The following LIFR variants were observed in gnomAD, a reference collection of about 807,000 sequenced individuals.
LIFR encodes the protein LIF receptor subunit alpha.
In LIFR, 84 loss-of-function variants were observed where a neutral mutation model predicts 122.2. The ratio of observed to expected loss-of-function variants is 0.69; its 90% CI spans 0.58 to 0.82. The LOEUF is 0.82. Among genes scored for constraint, LIFR ranks in the 40% least tolerant of loss-of-function variants. The pLI, the probability that LIFR is intolerant of heterozygous loss-of-function variation, is 0.00. For synonymous variants in LIFR, 422 were observed against 434.7 expected (o/e 0.97, Z 0.36); for missense variants, 1,294 against 1,311.6 (o/e 0.99, Z 0.21).
intron 1 of LIFR, among the ~76,000 whole-genome samples, chr5:38,564,149 G>A (rs535330914): frequency 9.2e-5 from 14 of 151,878 alleles, no homozygotes; most frequent in Non-Finnish European, 1.9e-4. Flanking sequence ...TCTTTCCTTC[G>A]GGTGTTGTTT....
At chr5:38,504,415 C>CAAAAAAAAAA (rs71604899) in intron 9 of LIFR, among the ~76,000 whole-genome samples, 16 of 120,320 alleles carry the variant, frequency 1.3e-4, no homozygotes, top group African/African-American at 2.8e-4. Flanking sequence ...AGGGAATGAC[C>CAAAAAAAAAA]AAAAAAAAAA....
At chr5:38,501,651 G>C (rs1745184513) in intron 11 of LIFR, among the ~76,000 whole-genome samples, 1 of 152,050 alleles carries the variant, frequency 6.6e-6, no homozygotes, top group South Asian at 2.1e-4. Context: ...TGAGGCAGGA[G>C]AATCACTTGA....
intron 1 of LIFR, among the ~76,000 whole-genome samples, chr5:38,539,489 G>A (rs1747470202): frequency 6.6e-6 from 1 of 152,140 alleles, no homozygotes; most frequent in African/African-American, 2.4e-5. Flanking sequence ...TTTATTTGGT[G>A]ACTGAAGCAA....
At chr5:38,499,108 G>A (rs890222134) in intron 12 of LIFR, among the ~76,000 whole-genome samples, 3 of 151,936 alleles carry the variant, frequency 2.0e-5, no homozygotes, top group Non-Finnish European at 4.4e-5. Flanking sequence ...TTTATAACTG[G>A]CATGTTATAA....
intron 2 of LIFR, among the ~76,000 whole-genome samples, chr5:38,603,399 G>C (rs1166535950): frequency 6.6e-6 from 1 of 152,160 alleles, no homozygotes; most frequent in Non-Finnish European, 1.5e-5. Flanking sequence ...AGGTATTCTT[G>C]AAATGAGAAT....
chr5:38,485,729 G>A (rs143817857), intron 17 of LIFR, 90 bp downstream of exon 17: 2 of 1,424,480 alleles, frequency 1.4e-6, no homozygotes, highest in African/African-American at 2.8e-5. Flanking sequence ...TTTTTAGAAA[G>A]GGCGGGGAGG....
At chr5:38,586,258 G>T (rs554710028) in intron 1 of LIFR, among the ~76,000 whole-genome samples, 1 of 152,200 alleles carries the variant, frequency 6.6e-6, no homozygotes, top group East Asian at 1.9e-4. Context: ...TTAACTCACA[G>T]TTTCTTCCAG....
intron 9 of LIFR, among the ~76,000 whole-genome samples, chr5:38,504,415 C>CAAAAAAAAAAA (rs71604899): frequency 1.1e-3 from 126 of 119,938 alleles, no homozygotes; most frequent in Middle Eastern, 4.4e-3. Context: ...AGGGAATGAC[C>CAAAAAAAAAAA]AAAAAAAAAA....
At chr5:38,501,689 C>T (rs1218122592) in intron 11 of LIFR, among the ~76,000 whole-genome samples, 8 of 151,686 alleles carry the variant, frequency 5.3e-5, no homozygotes, top group Non-Finnish European at 7.4e-5. Context: ...TGCAGTGAGC[C>T]GAGATCGCGC....
chr5:38,485,390 C>T (rs532415715), intron 17 of LIFR, among the ~76,000 whole-genome samples: 9 of 152,100 alleles, frequency 5.9e-5, no homozygotes, highest in Non-Finnish European at 1.0e-4. Context: ...AGTTCTTTAC[C>T]GCAGAAAGAT....
Position 38,577,380 on chromosome 5 carries a change from A to G in LIFR, c.-20+17881T>C, listed in dbSNP as rs76838223. 5.1e-3 allele frequency among the ~76,000 whole-genome samples: 776 copies of G among 152,142 alleles called. 3 individuals are homozygous for G. The highest frequency in any genetic ancestry group is 0.012 in the South Asian group (56 of 4,816). On this transcript the variant is annotated intron_variant, in intron 1 of 19. Coordinates refer to the LIFR transcript ENST00000263409. ...CTTCCTTTCTGATTATTCCCTACCC[A>G]GCTCTCAGGACTTCCATTTACCACA...
In LIFR at chr5:38,523,474, T is replaced by A. The variant is rs780922119; in HGVS notation, c.506A>T (p.Asn169Ile). The change falls in exon 5 of 20, where the codon AAT (asparagine) becomes ATT (isoleucine). Residue 169 changes from asparagine to isoleucine, a missense_variant. Physicochemically the swap from Asn to Ile is moderately radical, Grantham distance 149. Transcript: ENST00000453190. ...DRGSVFPHRS[N>I]VIWEIKVLRK... ...TAGAACTTTAATTTCCCAGATAACA[T>A]TTGAGCGGTGTGGAAAAACTGAACC... 5 of 1,613,614 alleles carry A rather than the reference T, an allele frequency of 3.1e-6. No individual in the cohort carries two copies. Among genetic ancestry groups the A allele is most frequent in the Non-Finnish European group, 3.4e-6 (4 of 1,179,742 alleles).
chr5:38,481,323 T>C lies in LIFR; in HGVS notation c.*272A>G, dbSNP rs577604105. 1.9e-6 allele frequency: 1 copy of C among 515,416 alleles called. No homozygotes were observed. Among genetic ancestry groups the C allele is most frequent in the East Asian group, 3.3e-5 (1 of 30,320 alleles). The allele number at this position is 515,416 out of a possible 1,614,324, so 31.9% of individuals were successfully genotyped here. A position where few individuals can be genotyped will look rare whatever the true frequency, so the allele number is the denominator to read the frequency against. On this transcript the variant is annotated 3_prime_UTR_variant, in exon 20 of 20. Coordinates refer to ENST00000453190, the MANE Select transcript of LIFR (RefSeq NM_001127671.2). ...CAAGTAGGTATTAGCCTTGAAATGCTTCTTGAAGGTAGAGTACATGAGAAT... is the reference window on the plus strand; with the variant it reads ...CAAGTAGGTATTAGCCTTGAAATGCCTCTTGAAGGTAGAGTACATGAGAAT...
intron 14 of LIFR, among the ~76,000 whole-genome samples, chr5:38,492,001 G>C (rs1333349882): frequency 6.6e-6 from 1 of 152,136 alleles, no homozygotes; most frequent in Non-Finnish European, 1.5e-5. Flanking sequence ...TTAGGAATGT[G>C]CTAAGGTCAA....
At chr5:38,489,531 T>C (rs1228864732) in intron 15 of LIFR, among the ~76,000 whole-genome samples, 1 of 152,216 alleles carries the variant, frequency 6.6e-6, no homozygotes, top group African/African-American at 2.4e-5. Context: ...TCAGTGGCTA[T>C]TCAGATAGAC....
rs750142662 is a variant in LIFR at position 38,523,536 on chromosome 5, G to A, written c.444C>T (p.Phe148=). The A allele has an allele frequency of 6.2e-7, 1 of 1,613,414 alleles. No individual in the cohort carries two copies. Among genetic ancestry groups the A allele is most frequent in the East Asian group, 2.2e-5 (1 of 44,822 alleles). The change falls in exon 5 of 20, where the codon TTC becomes TTT. Residue 148 remains phenylalanine (F), a synonymous_variant. Transcript: ENST00000453190. ...ACTTTAGGTATAATGTAGAGGTTGA[G>A]AAATCAGCAGACAAATTCAAGATCT... The part of the protein sequence containing the change: ...TPEILNLSAD[F]STSTLYLKWN...
intron 1 of LIFR, among the ~76,000 whole-genome samples, chr5:38,534,425 G>T (rs1017294162): frequency 6.6e-6 from 1 of 152,154 alleles, no homozygotes; most frequent in Non-Finnish European, 1.5e-5. Context: ...TGCACAGGAA[G>T]GCATGAATAG....
intron 1 of LIFR, among the ~76,000 whole-genome samples, chr5:38,533,751 A>G (rs1747146152): frequency 6.6e-6 from 1 of 152,176 alleles, no homozygotes; most frequent in Non-Finnish European, 1.5e-5. Context: ...GAAACGTGAC[A>G]GAGAGTGAGT....
intron 11 of LIFR, 48 bp from the exon 12 acceptor site, chr5:38,499,631 T>A (rs1745073988): frequency 1.6e-6 from 2 of 1,280,064 alleles, no homozygotes; most frequent in Non-Finnish European, 2.3e-6. Flanking sequence ...ATACTATATG[T>A]ATATGGTGCT....
Sources: gnomAD v4.1 joint callset for allele counts (sites outside exome capture counted in the v4.1 genomes callset) on GRCh38, gnomAD v4.1.1 for gene constraint, MANE v1.5 for transcripts, NCBI Gene and HGNC (gene_info 2026-07-23, HGNC 2026-07-21) for gene names.